NDRG3: variants seen among roughly 807,000 people sequenced by gnomAD.
NDRG3 encodes the protein NDRG family member 3.
Under a neutral mutation model 57.2 loss-of-function variants are expected in NDRG3, and 23 were observed. The observed-to-expected ratio is 0.40, with a 90% CI of 0.29 to 0.57. The LOEUF is 0.57. Ranked by LOEUF, NDRG3 falls within the 20% of genes least tolerant of loss-of-function variation. The pLI, the probability that NDRG3 is intolerant of heterozygous loss-of-function variation, is 0.42. For missense variants in NDRG3, 384 were observed against 457.3 expected (o/e 0.84, Z 1.46); for synonymous variants, 132 against 162.6 (o/e 0.81, Z 1.43).
chr20:36,712,579 A>ATTTTT (rs1568660354), intron 2 of NDRG3, among the ~76,000 whole-genome samples: 1 of 15,092 alleles, frequency 6.6e-5, no homozygotes, highest in African/African-American at 2.3e-4. Context: ...ATATATATAT[A>ATTTTT]TATATATATT....
At chr20:36,728,392 T>C (rs774196851) in intron 1 of NDRG3, among the ~76,000 whole-genome samples, 1 of 152,114 alleles carries the variant, frequency 6.6e-6, no homozygotes, top group Admixed American at 6.5e-5. Flanking sequence ...CCATTACAGG[T>C]TGAGCATCCC....
rs1286227069 is a variant in NDRG3 at position 36,715,002 on chromosome 20, GTGTGTATATATATATATA to G, written c.57+6659_57+6676del. Among the ~76,000 whole-genome samples, 71 of 39,590 alleles carry G rather than the reference GTGTGTATATATATATATA, an allele frequency of 1.8e-3. 1 individual carries two copies. The East Asian group carries it at 0.043, about 24-fold the overall frequency. The allele number at this position is 39,590 out of a possible 152,430, so 26.0% of individuals were successfully genotyped here. A position where few individuals can be genotyped will look rare whatever the true frequency, so the allele number is the denominator to read the frequency against. ...TATATCTGTGTGTGTGTGTGTGTGTGTGTGTATATATATATATATATATATATATATATATATATATAT... is the reference window on the plus strand; with the variant it reads ...TATATCTGTGTGTGTGTGTGTGTGTGTATATATATATATATATATATATAT... On this transcript the variant is annotated intron_variant, in intron 2 of 15. Coordinates refer to ENST00000349004, the MANE Select transcript of NDRG3 (RefSeq NM_032013.4).
chr20:36,708,383 CT>C (rs1396603411), intron 2 of NDRG3, among the ~76,000 whole-genome samples: 1 of 152,090 alleles, frequency 6.6e-6, no homozygotes, highest in Non-Finnish European at 1.5e-5. Flanking sequence ...GGCACGGTGA[CT>C]TATGCCTGTA....
rs1363884803 is a variant in NDRG3, at chr20:36,660,360, G to C, written c.835C>G (p.Pro279Ala). Residue 279 changes from proline (P) to alanine (A), a missense_variant, in exon 13 of 16, where the codon CCT becomes GCT. Coordinates refer to ENST00000349004, the MANE Select transcript of NDRG3 (RefSeq NM_032013.4). ...AVVECNSRLN[P>A]INTTLLKMAD... Reference sequence around the variant, plus strand: ...ACCTTTAGCAAAGTTGTATTTATAGGGTTCAGGCGGGAATTGCATTCGACC... The same window carrying C: ...ACCTTTAGCAAAGTTGTATTTATAGCGTTCAGGCGGGAATTGCATTCGACC... 1.2e-6 allele frequency: 2 copies of C among 1,607,832 alleles called. No homozygotes were observed. Among genetic ancestry groups the C allele is most frequent in the African/African-American group, 1.3e-5 (1 of 74,692 alleles).
At chr20:36,677,147 C>A (rs537153043) in intron 8 of NDRG3, among the ~76,000 whole-genome samples, 22 of 152,184 alleles carry the variant, frequency 1.4e-4, no homozygotes, top group African/African-American at 5.3e-4. Flanking sequence ...TCCCAGCTGG[C>A]GGGCTGGGAG....
intron 3 of NDRG3, among the ~76,000 whole-genome samples, chr20:36,691,451 T>A (rs528315475): frequency 2.8e-3 from 425 of 152,308 alleles, no homozygotes; most frequent in Non-Finnish European, 5.1e-3. Flanking sequence ...CGGTGGCTCA[T>A]GCCTGTAATC....
At position 36,669,230 on chromosome 20, in the gene NDRG3, A is replaced by AT. The variant is rs1226125448; in HGVS notation, c.588+2110dup. Among the ~76,000 whole-genome samples, 965 of 122,374 alleles carry AT rather than the reference A, an allele frequency of 7.9e-3. 2 individuals carry two copies. The highest frequency in any genetic ancestry group is 0.018 in the Middle Eastern group (4 of 220). 80.3% of individuals were successfully genotyped at this position (122,374 alleles called of 152,430 possible). On this transcript the variant is annotated intron_variant, in intron 9 of 15. Transcript: ENST00000349004. ...TGCCACCACACCCGGCTAATTTTGTATTTTTTTTTTTTTTCTGGGATGGAG... is the reference window on the plus strand; with the variant it reads ...TGCCACCACACCCGGCTAATTTTGTATTTTTTTTTTTTTTTCTGGGATGGAG...
At chr20:36,660,079 G>A (rs1325553799) in intron 13 of NDRG3, among the ~76,000 whole-genome samples, 2 of 151,912 alleles carry the variant, frequency 1.3e-5, no homozygotes, top group African/African-American at 4.8e-5. Context: ...ATGGTGGCAC[G>A]TGCCTGTAGT....
intron 3 of NDRG3, among the ~76,000 whole-genome samples, chr20:36,699,020 C>T (rs1299866155): frequency 5.3e-5 from 8 of 152,220 alleles, no homozygotes; most frequent in African/African-American, 1.9e-4. Flanking sequence ...TAGCTCACTG[C>T]AGCATAGAAC....
intron 3 of NDRG3, among the ~76,000 whole-genome samples, chr20:36,692,173 G>A (rs368534999): frequency 8.5e-5 from 13 of 152,286 alleles, no homozygotes; most frequent in African/African-American, 3.1e-4. Flanking sequence ...GCTAAGTGGT[G>A]ACCAGGATGC....
At chr20:36,719,204 G>A (rs1467438754) in intron 2 of NDRG3, among the ~76,000 whole-genome samples, 2 of 151,934 alleles carry the variant, frequency 1.3e-5, no homozygotes, top group Non-Finnish European at 2.9e-5. Context: ...CGAGGCGGGT[G>A]GATCAAGAGG....
At chr20:36,732,370 G>C (rs1179542147) in intron 1 of NDRG3, among the ~76,000 whole-genome samples, 1 of 152,184 alleles carries the variant, frequency 6.6e-6, no homozygotes, top group Admixed American at 6.5e-5. Context: ...TGATAATACA[G>C]AGTGCAATCC....
chr20:36,673,155 C>T (rs749177810), intron 8 of NDRG3, among the ~76,000 whole-genome samples: 21 of 152,088 alleles, frequency 1.4e-4, no homozygotes, highest in Non-Finnish European at 2.9e-4. Flanking sequence ...TGAAACACTG[C>T]GCCCAGCCAG....
intron 2 of NDRG3, among the ~76,000 whole-genome samples, chr20:36,712,134 GA>G (rs1443460387): frequency 6.6e-6 from 1 of 151,560 alleles, no homozygotes; most frequent in African/African-American, 2.4e-5. Context: ...AGCGATCCCA[GA>G]CCCTCTTGAA....
intron 1 of NDRG3, among the ~76,000 whole-genome samples, chr20:36,724,651 G>T (rs751741727): frequency 6.6e-5 from 10 of 152,166 alleles, no homozygotes; most frequent in Non-Finnish European, 8.8e-5. Flanking sequence ...TTTCCGGCCG[G>T]GCCCGGTGGC....
chr20:36,703,456 ATC>A (rs1236760030), intron 3 of NDRG3, among the ~76,000 whole-genome samples: 53 of 150,172 alleles, frequency 3.5e-4, no homozygotes, highest in Middle Eastern at 3.4e-3. Context: ...CTATCTATCT[ATC>A]TATATGTGTG....
intron 1 of NDRG3, among the ~76,000 whole-genome samples, chr20:36,745,533 G>A (rs891548222): frequency 1.3e-5 from 2 of 152,198 alleles, no homozygotes; most frequent in South Asian, 4.1e-4. Flanking sequence ...CTGTTAAGTG[G>A]GGCTAAGAAG....
At chr20:36,717,215 A>G (rs952580100) in intron 2 of NDRG3, among the ~76,000 whole-genome samples, 2 of 152,186 alleles carry the variant, frequency 1.3e-5, no homozygotes, top group Non-Finnish European at 2.9e-5. Flanking sequence ...CAGGCATACT[A>G]AAATAAAATG....
chr20:36,707,958 C>A (rs1983641810), intron 2 of NDRG3, among the ~76,000 whole-genome samples: 1 of 151,890 alleles, frequency 6.6e-6, no homozygotes, highest in African/African-American at 2.4e-5. Flanking sequence ...GTGGTGTGCA[C>A]CTGTAATCCC....
Sources: gnomAD v4.1 joint callset for allele counts (sites outside exome capture counted in the v4.1 genomes callset) on GRCh38, gnomAD v4.1.1 for gene constraint, MANE v1.5 for transcripts, NCBI Gene and HGNC (gene_info 2026-07-23, HGNC 2026-07-21) for gene names.